Variants in PLCB4 observed in about 807,000 individuals in gnomAD.
The protein encoded by PLCB4 is phospholipase C beta 4, also known as 1-phosphatidylinositol 4,5-bisphosphate phosphodiesterase beta-4.
A neutral mutation model predicts 178.8 loss-of-function variants in PLCB4; 77 were observed. The ratio of observed to expected loss-of-function variants is 0.43; its 90% confidence interval spans 0.36 to 0.52. The LOEUF is 0.52. Among genes scored for constraint, PLCB4 ranks in the 20% least tolerant of loss-of-function variants. The probability of loss-of-function intolerance (pLI) is 0.00; values close to 1 mark genes in which losing one functional copy is unlikely to be tolerated. For missense variants in PLCB4, 1,024 were observed against 1,453.4 expected (o/e 0.70, Z 4.80); for synonymous variants, 496 against 490.8 (o/e 1.01, Z -0.14).
chr20:9,369,364 T>C (rs1024613979), intron 9 of PLCB4, among the ~76,000 whole-genome samples: 11 of 151,952 alleles, frequency 7.2e-5, no homozygotes, highest in African/African-American at 2.7e-4. Flanking sequence ...ACAAACTTTT[T>C]ATGAAATAAT....
chr20:9,338,121 T>G (rs41275606), intron 6 of PLCB4, 54 bp downstream of exon 6: 1 of 1,179,828 alleles, frequency 8.5e-7, no homozygotes, highest in Non-Finnish European at 1.3e-6. Context: ...ATATTGGAAA[T>G]GGCCATGGCT....
intron 3 of PLCB4, among the ~76,000 whole-genome samples, chr20:9,273,792 T>C (rs747045856): frequency 5.9e-5 from 9 of 151,936 alleles, no homozygotes; most frequent in Non-Finnish European, 8.8e-5. Flanking sequence ...TATTACTAAA[T>C]GTGGGTTTTT....
intron 14 of PLCB4, among the ~76,000 whole-genome samples, chr20:9,386,732 A>C (rs929381265): frequency 2.0e-5 from 3 of 151,810 alleles, no homozygotes; most frequent in Non-Finnish European, 2.9e-5. Flanking sequence ...ATATGTATAC[A>C]TGCGCCATGT....
intron 2 of PLCB4, among the ~76,000 whole-genome samples, chr20:9,190,878 G>A (rs2093393792): frequency 6.6e-6 from 1 of 152,116 alleles, no homozygotes. Context: ...AATTGCCCAA[G>A]GTCACACAAT....
chr20:9,397,906 G>A (rs1057076548), intron 19 of PLCB4, among the ~76,000 whole-genome samples: 2 of 152,114 alleles, frequency 1.3e-5, no homozygotes, highest in African/African-American at 2.4e-5. Context: ...TTCTCCCTTG[G>A]GTTTCTCCTG....
intron 4 of PLCB4, among the ~76,000 whole-genome samples, chr20:9,313,332 A>G (rs191860517): frequency 3.6e-4 from 55 of 152,326 alleles, no homozygotes; most frequent in Admixed American, 3.2e-3. Flanking sequence ...ATCTATTTAA[A>G]GTAAGGGTGC....
In PLCB4 at chr20:9,407,951, T is replaced by C; in HGVS notation, c.1682T>C (p.Met561Thr). 6.2e-7 allele frequency: 1 copy of C among 1,613,750 alleles called. No individual in the cohort carries two copies. The highest frequency in any genetic ancestry group is 8.5e-7 in the Non-Finnish European group (1 of 1,179,662). ...ACTGTAGAAGATGAGCAGGCGTGGA[T>C]GGCATCTTATAAATATGTAGGTGCT... is the stretch of plus-strand genomic sequence containing the variant. ...LVTVEDEQAW[M>T]ASYKYVGATT... is the part of the protein sequence containing the mutation. The change falls in exon 22 of 40, where the codon ATG (methionine) becomes ACG (threonine). Residue 561 changes from methionine to threonine, a missense_variant. Met to Thr is a moderately conservative substitution (Grantham distance 81, BLOSUM62 -1). Around this residue, in one of 7 missense-constraint regions of PLCB4, gnomAD observed 263 missense variants for 417.4 expected, o/e 0.63. Transcript: ENST00000378473.
At position 9,446,397 on chromosome 20, in the gene PLCB4, G is replaced by A. The variant is rs118165729; in HGVS notation, c.2880+2154G>A. Among the ~76,000 whole-genome samples the A allele has an allele frequency of 3.7e-3, 560 of 152,284 alleles. 16 individuals are homozygous for A. In the East Asian group the frequency reaches 0.046, roughly 13 times the overall value. ...AAAATCACTATCAACTTTGGGCAGTGTTGATATACTGCTGATTATCAGGAC... is the reference window on the plus strand; with the variant it reads ...AAAATCACTATCAACTTTGGGCAGTATTGATATACTGCTGATTATCAGGAC... On this transcript the variant is annotated intron_variant, in intron 32 of 39. Transcript: ENST00000378473.
intron 3 of PLCB4, among the ~76,000 whole-genome samples, chr20:9,265,003 C>T (rs1376058853): frequency 6.6e-6 from 1 of 152,180 alleles, no homozygotes; most frequent in Non-Finnish European, 1.5e-5. Context: ...TGGGGCAACT[C>T]CAAGAATCTG....
chr20:9,177,564 T>A (rs1316384400), intron 2 of PLCB4, among the ~76,000 whole-genome samples: 2 of 152,104 alleles, frequency 1.3e-5, no homozygotes, highest in South Asian at 4.2e-4. Context: ...TTAGAACCAA[T>A]GTAAGTAATT....
chr20:9,279,328 G>T (rs974399771), intron 3 of PLCB4, among the ~76,000 whole-genome samples: 1 of 152,042 alleles, frequency 6.6e-6, no homozygotes, highest in Non-Finnish European at 1.5e-5. Context: ...ACTTGGACAT[G>T]AGCTTGAAAT....
chr20:9,203,791 T>G (rs1014948972), intron 2 of PLCB4, among the ~76,000 whole-genome samples: 10 of 143,014 alleles, frequency 7.0e-5, no homozygotes, highest in South Asian at 2.1e-4. Context: ...TTTTTTTTTT[T>G]TTTTTTTTTT....
Position 9,371,212 on chromosome 20 carries a change from A to G in PLCB4, c.504-2A>G. On this transcript the variant is annotated splice_acceptor_variant, in intron 9 of 39. Coordinates refer to ENST00000378473, the MANE Select transcript of PLCB4 (RefSeq NM_001377142.1). LOFTEE classifies it high-confidence loss of function. ...TGTGTGTTTCTTTCTTTTCTGCCCT[A>G]GTATTACTAGAACATTTGCATCGGG... 1 of 1,579,080 alleles carries G rather than the reference A, an allele frequency of 6.3e-7. No homozygotes were observed. The highest frequency in any genetic ancestry group is 1.1e-5 in the South Asian group (1 of 90,298).
At chr20:9,233,948 T>C (rs987656966) in intron 3 of PLCB4, among the ~76,000 whole-genome samples, 1 of 152,090 alleles carries the variant, frequency 6.6e-6, no homozygotes, top group African/African-American at 2.4e-5. Context: ...GAGTGTACAG[T>C]TGGGGATAAA....
At chr20:9,308,742 T>C (rs893293604) in intron 4 of PLCB4, among the ~76,000 whole-genome samples, 4 of 152,202 alleles carry the variant, frequency 2.6e-5, no homozygotes, top group African/African-American at 9.7e-5. Flanking sequence ...ACTTGTTGAC[T>C]TGATATTTCT....
chr20:9,240,487 T>G (rs2094046983), intron 3 of PLCB4, among the ~76,000 whole-genome samples: 1 of 152,222 alleles, frequency 6.6e-6, no homozygotes, highest in Non-Finnish European at 1.5e-5. Flanking sequence ...CATCGTATAT[T>G]GTAAATAACT....
chr20:9,328,383 C>T (rs1479171809), intron 4 of PLCB4, among the ~76,000 whole-genome samples: 2 of 152,186 alleles, frequency 1.3e-5, no homozygotes, highest in African/African-American at 2.4e-5. Context: ...TTACAAAATA[C>T]ACTCCCCCAT....
At chr20:9,421,162 G>A (rs2040605134) in intron 26 of PLCB4, 135 bp from the exon 27 acceptor site, 2 of 616,850 alleles carry the variant, frequency 3.2e-6, no homozygotes, top group Non-Finnish European at 5.4e-6. Context: ...TGATAGAAAT[G>A]AATACATTAT....
chr20:9,471,610 A>G (rs2044195801), intron 36 of PLCB4, among the ~76,000 whole-genome samples: 1 of 152,250 alleles, frequency 6.6e-6, no homozygotes, highest in Admixed American at 6.5e-5. Context: ...GGCAATTATT[A>G]CAGAAGTTCA....
Sources: gnomAD v4.1 joint callset for allele counts (sites outside exome capture counted in the v4.1 genomes callset) on GRCh38, gnomAD v4.1.1 for gene constraint, gnomAD v4.1.1 regional missense constraint, MANE v1.5 for transcripts, NCBI Gene and HGNC (gene_info 2026-07-23, HGNC 2026-07-21) for gene names.